RNF8: variants seen among roughly 807,000 people sequenced by gnomAD.
RNF8 encodes ring finger protein 8.
RNF8 carries 8 observed loss-of-function variants against 59.3 expected under a neutral mutation model. That is an observed-to-expected ratio of 0.13 (90% CI 0.08 to 0.24). RNF8 has a LOEUF of 0.24. RNF8 is among the 10% of genes least tolerant of loss of function. The pLI is 1.00. For synonymous variants in RNF8, 162 were observed against 200.0 expected (o/e 0.81, Z 1.60); for missense variants, 406 against 572.6 (o/e 0.71, Z 2.97).
chr6:37,383,355 C>T (rs965910167), intron 7 of RNF8, among the ~76,000 whole-genome samples: 1 of 152,216 alleles, frequency 6.6e-6, no homozygotes, highest in Non-Finnish European at 1.5e-5. Flanking sequence ...AACCTTCCTT[C>T]CATATTCCAA....
Position 37,390,948 on chromosome 6 carries a change from T to C in RNF8, c.*190T>C. On this transcript the variant is annotated 3_prime_UTR_variant, in exon 8 of 8. Transcript: ENST00000373479. ...GGCCAGCCCTGCTGCCATCATTGGC[T>C]GAAGCACCACCAGGATTCACGGCAC... 3 of 864,034 alleles carry C rather than the reference T, an allele frequency of 3.5e-6. No homozygotes were observed. The South Asian group carries it at 4.3e-5, about 12-fold the overall frequency. The allele number at this position is 864,034 out of a possible 1,614,324, so 53.5% of individuals were successfully genotyped here. A position where few individuals can be genotyped will look rare whatever the true frequency, so the allele number is the denominator to read the frequency against.
chr6:37,373,149 A>G (rs985557924), intron 4 of RNF8, among the ~76,000 whole-genome samples: 2 of 152,126 alleles, frequency 1.3e-5, no homozygotes, highest in African/African-American at 4.8e-5. Context: ...AAATCACATA[A>G]TACCTTCCTC....
chr6:37,392,498 C>T lies in RNF8; in HGVS notation c.*1740C>T, dbSNP rs1029017791. ...CAAGTATTACAGTTGCTTGTATATTCTTCCAGAGATCTCTGTCTATACAAG... is the reference window on the plus strand; with the variant it reads ...CAAGTATTACAGTTGCTTGTATATTTTTCCAGAGATCTCTGTCTATACAAG... On this transcript the variant is annotated 3_prime_UTR_variant, in exon 8 of 8. Transcript: ENST00000373479. 5.0e-6 allele frequency: 2 copies of T among 398,614 alleles called. No individual in the cohort carries two copies. The highest frequency in any genetic ancestry group is 8.8e-6 in the Non-Finnish European group (2 of 226,046). 24.7% of individuals were successfully genotyped at this position (398,614 alleles called of 1,614,324 possible). A position where few individuals can be genotyped will look rare whatever the true frequency, so the allele number is the denominator to read the frequency against.
At chr6:37,370,011 C>T (rs1482770627) in intron 3 of RNF8, 2 of 152,192 alleles carry the variant, frequency 1.3e-5, no homozygotes, top group Non-Finnish European at 2.9e-5. Context: ...AATGTCATTT[C>T]CTATCTGGCA....
chr6:37,393,782 T>C lies in RNF8; in HGVS notation c.*3024T>C, dbSNP rs1223907336. 6.6e-6 allele frequency: 1 copy of C among 152,228 alleles called. No individual in the cohort carries two copies. The highest frequency in any genetic ancestry group is 2.4e-5 in the African/African-American group (1 of 41,452). 9.4% of individuals were successfully genotyped at this position (152,228 alleles called of 1,614,324 possible). On this transcript the variant is annotated 3_prime_UTR_variant, in exon 8 of 8. Coordinates refer to ENST00000373479, the MANE Select transcript of RNF8 (RefSeq NM_003958.4). ...TGCATAGCTGGATACCCATCATCTGTTTCTCTGATTGGAAGCTGCTGTTGT... is the reference window on the plus strand; with the variant it reads ...TGCATAGCTGGATACCCATCATCTGCTTCTCTGATTGGAAGCTGCTGTTGT...
At chr6:37,383,135 T>C (rs1770347964) in intron 7 of RNF8, among the ~76,000 whole-genome samples, 1 of 152,246 alleles carries the variant, frequency 6.6e-6, no homozygotes, top group African/African-American at 2.4e-5. Context: ...ACTAGGGGGC[T>C]ACACAGTAAA....
rs1258387575 is a variant in RNF8, at chr6:37,367,845, G to A, written c.241-639G>A. The stretch of plus-strand genomic sequence containing the variant: ...TCTGCAGACAAAACTGAGGCATGGA[G>A]AGGTTAAGTAAATTGCCAAATGCTA... On this transcript the variant is annotated intron_variant, in intron 2 of 7. Transcript: ENST00000373479. 2.0e-5 allele frequency among the ~76,000 whole-genome samples: 3 copies of A among 152,322 alleles called. No homozygotes were observed. The East Asian group carries it at 5.8e-4, about 29-fold the overall frequency.
intron 4 of RNF8, among the ~76,000 whole-genome samples, chr6:37,374,035 C>G (rs1353928977): frequency 2.6e-5 from 4 of 152,218 alleles, no homozygotes; most frequent in Non-Finnish European, 4.4e-5. Flanking sequence ...CTGGGTGTGC[C>G]TTCTTCCAGA....
intron 1 of RNF8, chr6:37,359,134 G>A (rs1015307646): frequency 3.5e-5 from 15 of 422,848 alleles, no homozygotes; most frequent in Non-Finnish European, 6.0e-5. Context: ...AAGAATAAGG[G>A]AATTCTGTGA....
chr6:37,390,884 C>G lies in RNF8; in HGVS notation c.*126C>G. On this transcript the variant is annotated 3_prime_UTR_variant, in exon 8 of 8. Coordinates refer to ENST00000373479, the MANE Select transcript of RNF8 (RefSeq NM_003958.4). Reference sequence around the variant, plus strand: ...ACTGAGAAGTCTTGTGGGACAGAGACTTGAGTTAGGAAGCCCTCAGTCACT... The same window carrying G: ...ACTGAGAAGTCTTGTGGGACAGAGAGTTGAGTTAGGAAGCCCTCAGTCACT... 7.7e-6 allele frequency: 12 copies of G among 1,548,462 alleles called. No homozygotes were observed. The highest frequency in any genetic ancestry group is 1.8e-4 in the Middle Eastern group (1 of 5,590).
chr6:37,369,307 C>T, intron 3 of RNF8, 89 bp downstream of exon 3: 4 of 1,425,142 alleles, frequency 2.8e-6, no homozygotes, highest in Non-Finnish European at 3.7e-6. Context: ...AGTTTCTGGG[C>T]CAGGTACCAA....
At chr6:37,358,131 G>T (rs1048300746) in intron 1 of RNF8, among the ~76,000 whole-genome samples, 1 of 152,166 alleles carries the variant, frequency 6.6e-6, no homozygotes, top group Non-Finnish European at 1.5e-5. Flanking sequence ...CTTAGCAGAG[G>T]GGCTAAGTGA....
intron 2 of RNF8, among the ~76,000 whole-genome samples, chr6:37,363,343 T>C (rs190189963): frequency 6.6e-6 from 1 of 152,280 alleles, no homozygotes; most frequent in African/African-American, 2.4e-5. Flanking sequence ...AAAAACACCA[T>C]TAAGAGAGTA....
chr6:37,354,288 G>A lies in RNF8; in HGVS notation c.111+13G>A, dbSNP rs1249409545. 6.5e-7 allele frequency: 1 copy of A among 1,547,170 alleles called. No individual in the cohort carries two copies. ...AGATGGGTGCGAGGTACGGGGGAAG[G>A]GGTCCTGTGGAGCGGAGGGCAGGGG... On this transcript the variant is annotated intron_variant, in intron 1 of 7. Coordinates refer to ENST00000373479, the MANE Select transcript of RNF8 (RefSeq NM_003958.4).
intron 2 of RNF8, among the ~76,000 whole-genome samples, chr6:37,365,271 C>G (rs140892828): frequency 1.2e-4 from 19 of 152,264 alleles, no homozygotes; most frequent in African/African-American, 4.6e-4. Flanking sequence ...TAATAAGATT[C>G]CATTTGTATT....
rs1770745004 is a variant in RNF8 at position 37,392,219 on chromosome 6, T to C, written c.*1461T>C. 1 of 375,226 alleles carries C rather than the reference T, an allele frequency of 2.7e-6. No homozygotes were observed. Among genetic ancestry groups the C allele is most frequent in the Non-Finnish European group, 4.7e-6 (1 of 212,004 alleles). The allele number at this position is 375,226 out of a possible 1,614,324, so 23.2% of individuals were successfully genotyped here. ...AAAAATAGAGAACAAAAGGAAAAGATTGTTACCACCTTGATTTAATAACTT... is the reference window on the plus strand; with the variant it reads ...AAAAATAGAGAACAAAAGGAAAAGACTGTTACCACCTTGATTTAATAACTT... On this transcript the variant is annotated 3_prime_UTR_variant, in exon 8 of 8. Coordinates refer to ENST00000373479, the MANE Select transcript of RNF8 (RefSeq NM_003958.4).
chr6:37,386,829 TC>T (rs1770524946), intron 7 of RNF8, among the ~76,000 whole-genome samples: 2 of 152,212 alleles, frequency 1.3e-5, no homozygotes, highest in Admixed American at 1.3e-4. Context: ...AGGAGACACT[TC>T]AGATTGTTCA....
rs1165992224 is a variant in RNF8, at chr6:37,382,797, G to A, written c.1441+1443G>A. 2.6e-5 allele frequency among the ~76,000 whole-genome samples: 4 copies of A among 152,140 alleles called. No individual in the cohort carries two copies. The East Asian group carries it at 7.7e-4, about 29-fold the overall frequency. On this transcript the variant is annotated intron_variant, in intron 7 of 7. Coordinates refer to ENST00000373479, the MANE Select transcript of RNF8 (RefSeq NM_003958.4). The stretch of plus-strand genomic sequence containing the variant: ...GTTCGAGACCAGCCTGGCCAACATG[G>A]TGAAAGCCCGTCTCTACTAAAAATA...
chr6:37,382,595 C>T (rs1770319805), intron 7 of RNF8, among the ~76,000 whole-genome samples: 1 of 152,002 alleles, frequency 6.6e-6, no homozygotes, highest in South Asian at 2.1e-4. Context: ...GGGGGGTGGA[C>T]CTAGGGACAC....
Sources: gnomAD v4.1 joint callset for allele counts (sites outside exome capture counted in the v4.1 genomes callset) on GRCh38, gnomAD v4.1.1 for gene constraint, MANE v1.5 for transcripts, NCBI Gene and HGNC (gene_info 2026-07-23, HGNC 2026-07-21) for gene names.